Variants in PHYHIPL observed in about 807,000 individuals in gnomAD.
PHYHIPL encodes phytanoyl-CoA 2-hydroxylase interacting protein like, also known as phytanoyl-CoA hydroxylase-interacting protein-like.
A neutral mutation model predicts 33.4 loss-of-function variants in PHYHIPL; 9 were observed. The ratio of observed to expected loss-of-function variants is 0.27; its 90% CI spans 0.16 to 0.47. The LOEUF (loss-of-function observed/expected upper bound fraction) is 0.47, where lower values mean the gene tolerates loss of function less well. Ranked by LOEUF, PHYHIPL falls within the 20% of genes least tolerant of loss-of-function variation. The pLI, the probability that PHYHIPL is intolerant of heterozygous loss-of-function variation, is 0.99. For missense variants in PHYHIPL, 365 were observed against 460.7 expected, an observed-to-expected ratio of 0.79 and a Z score of 1.90; for synonymous variants, 153 against 154.1, an observed-to-expected ratio of 0.99 and a Z score of 0.05.
chr10:59,214,009 G>T (rs1186006984), intron 1 of PHYHIPL, among the ~76,000 whole-genome samples: 2 of 151,936 alleles, frequency 1.3e-5, no homozygotes, highest in East Asian at 3.9e-4. Context: ...AAAATGGTGG[G>T]GTGATATTTC....
intron 2 of PHYHIPL, 144 bp from the exon 3 acceptor site, chr10:59,236,339 T>C (rs914969335): frequency 3.3e-5 from 16 of 479,416 alleles, no homozygotes; most frequent in Non-Finnish European, 5.8e-5. Context: ...TTTTCCCTCC[T>C]TCCTTCCCTC....
Position 59,244,586 on chromosome 10 carries a change from A to AAAAG in PHYHIPL, c.597-471_597-470insAAAG, listed in dbSNP as rs1554801182. Among the ~76,000 whole-genome samples, 17 of 136,570 alleles carry AAAAG rather than the reference A, an allele frequency of 1.2e-4. 1 individual carries two copies. The highest frequency in any genetic ancestry group is 4.5e-4 in the African/African-American group (17 of 37,546). The allele number at this position is 136,570 out of a possible 152,430, so 89.6% of individuals were successfully genotyped here. A position where few individuals can be genotyped will look rare whatever the true frequency, so the allele number is the denominator to read the frequency against. ...TCAAAAAAAAAAAAAAAAAAAAAAA[A>AAAAG]GCCAAAACAAAACACAACGCTTTTG... On this transcript the variant is annotated intron_variant, in intron 4 of 4. Coordinates refer to ENST00000373880, the MANE Select transcript of PHYHIPL (RefSeq NM_032439.4).
intron 1 of PHYHIPL, chr10:59,177,212 G>C: frequency 1.7e-6 from 1 of 580,190 alleles, no homozygotes; most frequent in Non-Finnish European, 2.9e-6. Flanking sequence ...GCCTTCGCCC[G>C]CCTGGCCCGG....
intron 1 of PHYHIPL, among the ~76,000 whole-genome samples, chr10:59,207,164 T>C (rs1349264761): frequency 6.7e-6 from 1 of 149,330 alleles, no homozygotes; most frequent in African/African-American, 2.5e-5. Context: ...ACAGCTCCAG[T>C]CTGCAGCTCC....
chr10:59,184,540 A>T lies in PHYHIPL; in HGVS notation c.106+7581A>T, dbSNP rs182767900. ...AGAGACTTGAATAATGTTATCAGGC[A>T]GTAAGTTAGTTCTGTATGGAGTCAG... On this transcript the variant is annotated intron_variant, in intron 1 of 4. Transcript: ENST00000373880. Among the ~76,000 whole-genome samples, 6 of 152,238 alleles carry T rather than the reference A, an allele frequency of 3.9e-5. No individual in the cohort carries two copies. The East Asian group carries it at 1.2e-3, about 29-fold the overall frequency.
At chr10:59,177,675 G>C (rs1177394850) in intron 1 of PHYHIPL, 15 of 1,534,862 alleles carry the variant, frequency 9.8e-6, no homozygotes, top group African/African-American at 1.4e-5. Context: ...AAGTTGGCAG[G>C]CTCCTGTGGA....
intron 1 of PHYHIPL, among the ~76,000 whole-genome samples, chr10:59,187,872 C>G (rs1444135163): frequency 6.6e-6 from 1 of 151,960 alleles, no homozygotes; most frequent in African/African-American, 2.4e-5. Context: ...CTTTATTAGT[C>G]TTGCTAGCGG....
chr10:59,202,264 A>G (rs940783494), intron 1 of PHYHIPL, among the ~76,000 whole-genome samples: 3 of 152,128 alleles, frequency 2.0e-5, no homozygotes, highest in Non-Finnish European at 4.4e-5. Context: ...AATAGGGTAC[A>G]CTAGAAGCCC....
intron 1 of PHYHIPL, among the ~76,000 whole-genome samples, chr10:59,212,157 C>T (rs1387285911): frequency 2.0e-5 from 3 of 152,140 alleles, no homozygotes; most frequent in Non-Finnish European, 4.4e-5. Context: ...GTGCAGGACT[C>T]TGCAGAAAGT....
intron 1 of PHYHIPL, among the ~76,000 whole-genome samples, chr10:59,217,510 T>C (rs1839651772): frequency 6.6e-6 from 1 of 151,978 alleles, no homozygotes; most frequent in African/African-American, 2.4e-5. Context: ...GTATTTCAAA[T>C]AAAGATTTGT....
At position 59,209,274 on chromosome 10, in the gene PHYHIPL, C is replaced by T. The variant is rs1346402032; in HGVS notation, c.107-25030C>T. Among the ~76,000 whole-genome samples the T allele has an allele frequency of 2.0e-5, 3 of 152,284 alleles. No homozygotes were observed. In the Middle Eastern group the frequency reaches 0.01, roughly 518 times the overall value. Reference sequence around the variant, plus strand: ...CCAGAAGAGAGTGGAGGCCAATATTCAACATTCTTAAAGAAAAGAATTTTC... The same window carrying T: ...CCAGAAGAGAGTGGAGGCCAATATTTAACATTCTTAAAGAAAAGAATTTTC... On this transcript the variant is annotated intron_variant, in intron 1 of 4. Transcript: ENST00000373880.
At chr10:59,231,396 G>A (rs939689256) in intron 1 of PHYHIPL, among the ~76,000 whole-genome samples, 1 of 152,042 alleles carries the variant, frequency 6.6e-6, no homozygotes, top group Admixed American at 6.6e-5. Flanking sequence ...AAAAGTCAAG[G>A]AGAGAAGCTA....
intron 4 of PHYHIPL, 168 bp downstream of exon 4, chr10:59,238,873 G>T: frequency 3.8e-6 from 2 of 520,536 alleles, no homozygotes; most frequent in African/African-American, 1.9e-5. Context: ...AAGATCATGG[G>T]ATTTTTTTCT....
chr10:59,211,670 A>T (rs1054024017), intron 1 of PHYHIPL, among the ~76,000 whole-genome samples: 5 of 149,846 alleles, frequency 3.3e-5, no homozygotes, highest in East Asian at 2.0e-4. Context: ...TCTCTAAAAA[A>T]AAAAAAAAAA....
chr10:59,243,421 A>G (rs753506053), intron 4 of PHYHIPL, among the ~76,000 whole-genome samples: 3 of 152,186 alleles, frequency 2.0e-5, no homozygotes, highest in Admixed American at 6.5e-5. Context: ...ATAATAAAAG[A>G]AGGAAACCTG....
Position 59,176,755 on chromosome 10 carries a change from C to G in PHYHIPL, c.-99C>G. 9.0e-7 allele frequency: 1 copy of G among 1,115,260 alleles called. No individual in the cohort carries two copies. The highest frequency in any genetic ancestry group is 2.2e-5 in the Admixed American group (1 of 44,648). 69.1% of individuals were successfully genotyped at this position (1,115,260 alleles called of 1,614,324 possible). A position where few individuals can be genotyped will look rare whatever the true frequency, so the allele number is the denominator to read the frequency against. ...ACCGCGTCCCAGGCCTCCTTCCCTC[C>G]CTCTGCCACTCCCCCTCCCTTTCCC... On this transcript the variant is annotated 5_prime_UTR_variant, in exon 1 of 5. Transcript: ENST00000373880.
At chr10:59,239,962 G>T (rs1589299098) in intron 4 of PHYHIPL, among the ~76,000 whole-genome samples, 1 of 152,074 alleles carries the variant, frequency 6.6e-6, no homozygotes, top group Non-Finnish European at 1.5e-5. Flanking sequence ...CATGGTTCCA[G>T]ATTTAAATCA....
intron 1 of PHYHIPL, among the ~76,000 whole-genome samples, chr10:59,180,204 C>T (rs1379594415): frequency 6.8e-6 from 1 of 148,022 alleles, no homozygotes; most frequent in Non-Finnish European, 1.5e-5. Flanking sequence ...CAGCTCCCAC[C>T]CCACACACAG....
Position 59,246,696 on chromosome 10 carries a change from T to C in PHYHIPL, c.*1105T>C, listed in dbSNP as rs780926826. ...AAACTTTTCATTTTGTACAGAAGGA[T>C]GAATAACTACAGCTCATGGGAAATG... On this transcript the variant is annotated 3_prime_UTR_variant, in exon 5 of 5. Coordinates refer to ENST00000373880, the MANE Select transcript of PHYHIPL (RefSeq NM_032439.4). 1.3e-5 allele frequency: 5 copies of C among 397,382 alleles called. No homozygotes were observed. The South Asian group carries it at 6.4e-4, about 51-fold the overall frequency. The allele number at this position is 397,382 out of a possible 1,614,324, so 24.6% of individuals were successfully genotyped here.
Sources: allele counts gnomAD v4.1 joint callset (sites outside exome capture counted in the v4.1 genomes callset), GRCh38; gene constraint gnomAD v4.1.1; transcripts MANE v1.5; gene names NCBI Gene and HGNC (gene_info 2026-07-23, HGNC 2026-07-21).